Variants in AK8 observed in about 807,000 individuals in gnomAD.
AK8 encodes adenylate kinase 8.
Under a neutral mutation model 54.6 loss-of-function variants are expected in AK8, and 44 were observed. That is an observed-to-expected ratio of 0.81 (90% CI 0.63 to 1.04). The LOEUF is 1.04. Among genes scored for constraint, AK8 ranks in the 50% least tolerant of loss-of-function variants. The pLI, the probability that AK8 is intolerant of heterozygous loss-of-function variation, is 0.00. For synonymous variants in AK8, 239 were observed against 245.6 expected, an observed-to-expected ratio of 0.97 and a Z score of 0.25; for missense variants, 555 against 613.6, an observed-to-expected ratio of 0.90 and a Z score of 1.01.
chr9:132,751,053 C>T (rs944621189), intron 11 of AK8, among the ~76,000 whole-genome samples: 5 of 151,926 alleles, frequency 3.3e-5, no homozygotes, highest in Non-Finnish European at 5.9e-5. Flanking sequence ...AGCTTTTCCA[C>T]GTCTTTGGCC....
At chr9:132,843,356 G>C (rs575111454) in intron 5 of AK8, among the ~76,000 whole-genome samples, 1 of 152,120 alleles carries the variant, frequency 6.6e-6, no homozygotes, top group African/African-American at 2.4e-5. Context: ...ACCTTCTGCC[G>C]TGATGGTAAA....
Position 132,792,712 on chromosome 9 carries a change from T to C in AK8, c.1043A>G (p.Lys348Arg), listed in dbSNP as rs1839995013. The change falls in exon 11 of 13, where the codon AAA (lysine) becomes AGA (arginine). Residue 348 changes from lysine to arginine, a missense_variant. Transcript: ENST00000298545. ...CGGGACGCCGTGTAGCACCCAGCCT[T>C]TCTGGATGCAGTCCTGCTGGTCCAG... ...QRLDQQDCIQKGWVLHGVPRD... is the reference protein window; with the variant it reads ...QRLDQQDCIQRGWVLHGVPRD... 6.4e-7 allele frequency: 1 copy of C among 1,557,390 alleles called. No individual in the cohort carries two copies. Among genetic ancestry groups the C allele is most frequent in the African/African-American group, 1.4e-5 (1 of 73,438 alleles).
chr9:132,796,091 G>T (rs1384810092), intron 10 of AK8, among the ~76,000 whole-genome samples: 1 of 152,172 alleles, frequency 6.6e-6, no homozygotes, highest in Non-Finnish European at 1.5e-5. Flanking sequence ...GGAAACTGAA[G>T]CCCAAAGAGG....
chr9:132,848,650 T>C (rs1430189504), intron 5 of AK8, among the ~76,000 whole-genome samples: 1 of 152,192 alleles, frequency 6.6e-6, no homozygotes, highest in Non-Finnish European at 1.5e-5. Context: ...TTGGTCATGT[T>C]TGACTCTGCC....
chr9:132,788,796 C>T (rs757537624), intron 11 of AK8, among the ~76,000 whole-genome samples: 88 of 152,154 alleles, frequency 5.8e-4, no homozygotes, highest in Non-Finnish European at 1.2e-3. Flanking sequence ...TAAAAACTCT[C>T]TCAGATATGG....
intron 11 of AK8, among the ~76,000 whole-genome samples, chr9:132,733,373 G>A (rs772310130): frequency 1.5e-4 from 23 of 152,222 alleles, no homozygotes; most frequent in Non-Finnish European, 2.6e-4. Flanking sequence ...CGGCTGTCAC[G>A]GCGGCTGGCG....
chr9:132,848,671 G>C (rs1842850139), intron 5 of AK8, among the ~76,000 whole-genome samples: 1 of 152,184 alleles, frequency 6.6e-6, no homozygotes, highest in African/African-American at 2.4e-5. Context: ...TTCAACTGCA[G>C]ATGGTGAGCC....
chr9:132,831,886 C>CA (rs1842114929), intron 5 of AK8, among the ~76,000 whole-genome samples: 1 of 151,764 alleles, frequency 6.6e-6, no homozygotes, highest in South Asian at 2.1e-4. Context: ...GAGACCCCCC[C>CA]ACTCTACCGA....
chr9:132,844,316 A>C (rs926347545), intron 5 of AK8, among the ~76,000 whole-genome samples: 1 of 144,410 alleles, frequency 6.9e-6, no homozygotes, highest in South Asian at 2.3e-4. Context: ...AAAAAAAAAA[A>C]GAAAAAAGAA....
chr9:132,779,017 G>T (rs912846079), intron 11 of AK8, among the ~76,000 whole-genome samples: 3 of 151,960 alleles, frequency 2.0e-5, no homozygotes, highest in Admixed American at 1.3e-4. Context: ...AGAAGAACAG[G>T]CTACCTTCCC....
chr9:132,810,472 A>G (rs544477091), intron 10 of AK8, among the ~76,000 whole-genome samples: 123 of 152,194 alleles, frequency 8.1e-4, no homozygotes, highest in Non-Finnish European at 1.2e-3. Context: ...GGCTCTGTAC[A>G]AAGTTGACGT....
Position 132,856,724 on chromosome 9 carries a change from A to G in AK8, c.334-1799T>C, listed in dbSNP as rs182951817. On this transcript the variant is annotated intron_variant, in intron 4 of 12. Transcript: ENST00000298545. Reference sequence around the variant, plus strand: ...AACCCCTGCTTTCCACCAGCTCAGAAGCTGAGAAAATGTAAGAGCGGGAGC... The same window carrying G: ...AACCCCTGCTTTCCACCAGCTCAGAGGCTGAGAAAATGTAAGAGCGGGAGC... 3.1e-3 allele frequency among the ~76,000 whole-genome samples: 466 copies of G among 152,282 alleles called. 4 individuals are homozygous for G. The highest frequency in any genetic ancestry group is 0.011 in the African/African-American group (452 of 41,562).
chr9:132,851,021 G>A (rs1024736755), intron 5 of AK8, among the ~76,000 whole-genome samples: 8 of 152,082 alleles, frequency 5.3e-5, no homozygotes, highest in Non-Finnish European at 1.5e-5. Context: ...GCAGCTATTC[G>A]AGGACTCAGA....
upstream of AK8, chr9:132,878,312 A>T (rs1003915108): frequency 1.5e-6 from 2 of 1,320,084 alleles, no homozygotes; most frequent in African/African-American, 1.5e-5. The surrounding 1 kb of genome is among the most constrained non-coding windows in gnomAD (Gnocchi z 4.7). Flanking sequence ...CGCCGCGCCG[A>T]CTGCGTCATC....
intron 5 of AK8, among the ~76,000 whole-genome samples, chr9:132,850,324 C>G (rs562853826): frequency 1.4e-5 from 2 of 138,898 alleles, no homozygotes; most frequent in Non-Finnish European, 1.5e-5. Context: ...TGAGTCGTTG[C>G]GATAGAAGCC....
upstream of AK8, chr9:132,878,290 C>T (rs376489369): frequency 1.2e-4 from 166 of 1,330,872 alleles, no homozygotes; most frequent in Middle Eastern, 7.5e-4. This position sits in a 1 kb window ranked among gnomAD's most constrained non-coding sequence, Gnocchi z 4.7. Flanking sequence ...CTAGTAACCG[C>T]GTCGCTAGGG....
Position 132,854,921 on chromosome 9 carries a change from A to G in AK8, c.338T>C (p.Val113Ala), listed in dbSNP as rs1044389738. The G allele has an allele frequency of 1.9e-5, 30 of 1,613,910 alleles. No individual in the cohort carries two copies. The highest frequency in any genetic ancestry group is 5.0e-5 in the Admixed American group (3 of 59,996). ...CAGCTGGACGAGCAGCGCGCTGGGA[A>G]CTGTCTGAAGGAAAAAGGACACACA... ...ARRLYLQRKT[V>A]PSALLVQLIQ... is the part of the protein sequence containing the mutation. Residue 113 changes from valine to alanine, a missense_variant, in exon 5 of 13, where the codon GTT becomes GCT. By Grantham distance (64) the Val-to-Ala change is moderately conservative. Coordinates refer to ENST00000298545, the MANE Select transcript of AK8 (RefSeq NM_152572.3).
chr9:132,737,478 A>G (rs1024146623), intron 11 of AK8, among the ~76,000 whole-genome samples: 10 of 152,224 alleles, frequency 6.6e-5, no homozygotes, highest in Admixed American at 2.6e-4. Flanking sequence ...AAAAATCCTC[A>G]GCAGAATATT....
chr9:132,857,380 G>T (rs560421885), intron 4 of AK8, among the ~76,000 whole-genome samples: 2 of 152,238 alleles, frequency 1.3e-5, no homozygotes, highest in South Asian at 4.1e-4. Context: ...GGCCCCCGGG[G>T]TCTGGGGGAA....
Sources: allele counts gnomAD v4.1 joint callset (sites outside exome capture counted in the v4.1 genomes callset), GRCh38; gene constraint gnomAD v4.1.1; non-coding constraint Gnocchi (gnomAD v3.1); transcripts MANE v1.5; gene names NCBI Gene and HGNC (gene_info 2026-07-23, HGNC 2026-07-21).